Variants in PCDHGA5 observed in about 807,000 individuals in gnomAD.
PCDHGA5 encodes the protein protocadherin gamma-A5.
A neutral mutation model predicts 56.7 loss-of-function variants in PCDHGA5; 36 were observed. The ratio of observed to expected loss-of-function variants is 0.64; its 90% CI spans 0.49 to 0.84. The LOEUF is 0.84. Ranked by LOEUF, PCDHGA5 falls within the 40% of genes least tolerant of loss-of-function variation. The pLI, the probability that PCDHGA5 is intolerant of heterozygous loss-of-function variation, is 0.00. For missense variants in PCDHGA5, 1,305 were observed against 1,201.5 expected (o/e 1.09, Z -1.27); for synonymous variants, 563 against 520.2 (o/e 1.08, Z -1.12).
intron 1 of PCDHGA5, chr5:141,410,157 C>T: frequency 6.2e-7 from 1 of 1,613,546 alleles, no homozygotes; most frequent in Non-Finnish European, 8.5e-7. Context: ...GGTGGACAGC[C>T]GCCACTCTCT....
intron 1 of PCDHGA5, chr5:141,422,556 G>A: frequency 6.2e-7 from 1 of 1,613,908 alleles, no homozygotes; most frequent in Non-Finnish European, 8.5e-7. Flanking sequence ...GGCTGAATGT[G>A]GCAGATGACA....
At chr5:141,436,208 A>G (rs1287696925) in intron 1 of PCDHGA5, among the ~76,000 whole-genome samples, 1 of 152,152 alleles carries the variant, frequency 6.6e-6, no homozygotes, top group Non-Finnish European at 1.5e-5. Context: ...CATAATAGGA[A>G]AACAAATGAC....
intron 1 of PCDHGA5, chr5:141,395,264 A>T: frequency 1.3e-6 from 2 of 1,549,832 alleles, no homozygotes; most frequent in Non-Finnish European, 1.7e-6. Flanking sequence ...GCTTGCTTTT[A>T]ATTTCCAGAT....
intron 1 of PCDHGA5, chr5:141,427,571 G>A: frequency 1.5e-6 from 1 of 662,942 alleles, no homozygotes. Flanking sequence ...GCAAGCCTCC[G>A]CTCTCATCCA....
chr5:141,392,883 T>C, intron 1 of PCDHGA5: 1 of 1,613,518 alleles, frequency 6.2e-7, no homozygotes, highest in Non-Finnish European at 8.5e-7. Flanking sequence ...GGGAACGCTG[T>C]GGGAAATCGG....
chr5:141,365,734 T>C lies in PCDHGA5; in HGVS notation c.1404T>C (p.Gly468=). 7 of 1,613,550 alleles carry C rather than the reference T, an allele frequency of 4.3e-6. No individual in the cohort carries two copies. Among genetic ancestry groups the C allele is most frequent in the Non-Finnish European group, 5.1e-6 (6 of 1,179,852 alleles). ...CTGTCACAGAAAACAATCCCAGAGG[T>C]GTCTCTATCTTCTCTGTGACAGCCC... ...STSVTENNPR[G]VSIFSVTAHD... The change falls in exon 1 of 4, where the codon GGT becomes GGC. Residue 468 remains glycine (G), a synonymous_variant. Coordinates refer to ENST00000518069, the MANE Select transcript of PCDHGA5 (RefSeq NM_018918.3).
rs1185679701 is a variant in PCDHGA5, at chr5:141,511,384, G to A, written c.*211G>A. On this transcript the variant is annotated 3_prime_UTR_variant, in exon 4 of 4. Coordinates refer to ENST00000518069, the MANE Select transcript of PCDHGA5 (RefSeq NM_018918.3). ...TTGAATATGCAAAAGCAGTTCCGCT[G>A]GGAACCCCCATCCAATCAACTGCTG... is the stretch of plus-strand genomic sequence containing the variant. 3.5e-6 allele frequency: 4 copies of A among 1,154,490 alleles called. No homozygotes were observed. Among genetic ancestry groups the A allele is most frequent in the Admixed American group, 2.9e-5 (1 of 34,748 alleles). 71.5% of individuals were successfully genotyped at this position (1,154,490 alleles called of 1,614,324 possible). A position where few individuals can be genotyped will look rare whatever the true frequency, so the allele number is the denominator to read the frequency against.
At chr5:141,506,444 CAAAA>C (rs1219684339) in intron 3 of PCDHGA5, among the ~76,000 whole-genome samples, 5 of 95,022 alleles carry the variant, frequency 5.3e-5, no homozygotes, top group Admixed American at 1.1e-4. Context: ...CGCTCTGTCT[CAAAA>C]AAAAAAAAAA....
chr5:141,365,223 T>C lies in PCDHGA5; in HGVS notation c.893T>C (p.Leu298Pro), dbSNP rs1561533548. ...GAGACTTTCCAACTTGATTCCAACCTGGGGGAAATCTCAACTCTACAATCA... is the reference window on the plus strand; with the variant it reads ...GAGACTTTCCAACTTGATTCCAACCCGGGGGAAATCTCAACTCTACAATCA... ...ISETFQLDSN[L>P]GEISTLQSLD... is the part of the protein sequence containing the mutation. Residue 298 changes from leucine (L) to proline (P), a missense_variant, in exon 1 of 4, where the codon CTG (leucine) becomes CCG (proline). Coordinates refer to ENST00000518069, the MANE Select transcript of PCDHGA5 (RefSeq NM_018918.3). The C allele has an allele frequency of 4.3e-6, 7 of 1,613,924 alleles. No homozygotes were observed. The highest frequency in any genetic ancestry group is 5.9e-6 in the Non-Finnish European group (7 of 1,179,882).
intron 1 of PCDHGA5, chr5:141,424,652 G>T (rs1392693867): frequency 6.6e-6 from 1 of 152,120 alleles, no homozygotes; most frequent in East Asian, 1.9e-4. Context: ...AAGGTATTTG[G>T]ACTTTAATTA....
intron 1 of PCDHGA5, chr5:141,419,006 A>T: frequency 6.2e-7 from 1 of 1,614,006 alleles, no homozygotes. Context: ...TGGGGAAGTC[A>T]GGTGTAGCTT....
Position 141,477,311 on chromosome 5 carries a change from C to G in PCDHGA5, c.2422-17496C>G. 6.2e-7 allele frequency: 1 copy of G among 1,614,186 alleles called. No individual in the cohort carries two copies. The highest frequency in any genetic ancestry group is 8.5e-7 in the Non-Finnish European group (1 of 1,180,032). ...AGTTCCACCGGGTCTCCCTTTCAGC[C>G]TTACTTCTTCCCTCAAGAATTACTT... On this transcript the variant is annotated intron_variant, in intron 1 of 3. Coordinates refer to ENST00000518069, the MANE Select transcript of PCDHGA5 (RefSeq NM_018918.3). The surrounding 1 kb of genome is among the most constrained non-coding windows in gnomAD (Gnocchi z 4.9).
intron 1 of PCDHGA5, among the ~76,000 whole-genome samples, chr5:141,469,538 G>A (rs2099204234): frequency 6.6e-6 from 1 of 152,168 alleles, no homozygotes; most frequent in Non-Finnish European, 1.5e-5. Flanking sequence ...TTGTGCCACT[G>A]CACTCCAGCC....
rs1230384508 is a variant in PCDHGA5 at position 141,490,990 on chromosome 5, C to T, written c.2422-3817C>T. On this transcript the variant is annotated intron_variant, in intron 1 of 3. Coordinates refer to ENST00000518069, the MANE Select transcript of PCDHGA5 (RefSeq NM_018918.3). The surrounding 1 kb of genome is among the most constrained non-coding windows in gnomAD (Gnocchi z 5.4). ...CCCCCAGCGTCTCCCTCGCTCTGCT[C>T]CTCCTGGCTCCTTGGTCACCAAGGT... 6 of 1,614,102 alleles carry T rather than the reference C, an allele frequency of 3.7e-6. No homozygotes were observed. The highest frequency in any genetic ancestry group is 1.3e-5 in the African/African-American group (1 of 75,064).
At chr5:141,480,198 G>A (rs1280951298) in intron 1 of PCDHGA5, among the ~76,000 whole-genome samples, 2 of 150,780 alleles carry the variant, frequency 1.3e-5, no homozygotes, top group African/African-American at 4.9e-5. Flanking sequence ...GAGGCCAGCA[G>A]TTCAAGACCA....
chr5:141,381,177 C>T (rs935775632), intron 1 of PCDHGA5, among the ~76,000 whole-genome samples: 3 of 152,214 alleles, frequency 2.0e-5, no homozygotes, highest in Admixed American at 6.5e-5. Context: ...TCCCACAAAA[C>T]GAAGTTAAGC....
rs1554116833 is a variant in PCDHGA5, at chr5:141,423,756, G to GGT, written c.2421+57006_2421+57007insTG. 2.2e-4 allele frequency: 100 copies of GGT among 448,536 alleles called. 2 individuals carry two copies. The highest frequency in any genetic ancestry group is 2.1e-3 in the African/African-American group (74 of 35,668). The allele number at this position is 448,536 out of a possible 1,614,324, so 27.8% of individuals were successfully genotyped here. On this transcript the variant is annotated intron_variant, in intron 1 of 3. Coordinates refer to ENST00000518069, the MANE Select transcript of PCDHGA5 (RefSeq NM_018918.3). ...GCCTGTTATGAAAACTGTTTGGGGG[G>GGT]GGGGTGGGGCGGCATATATTTAGTT...
In PCDHGA5 at chr5:141,438,591, C is replaced by T. The variant is rs12717894; in HGVS notation, c.2422-56216C>T. 3.5e-3 allele frequency among the ~76,000 whole-genome samples: 262 copies of T among 75,376 alleles called. 1 individual carries two copies. The highest frequency in any genetic ancestry group is 4.5e-3 in the Non-Finnish European group (168 of 37,204). 49.4% of individuals were successfully genotyped at this position (75,376 alleles called of 152,430 possible). ...TCTGATATACATACATACATACATA[C>T]ATATATATATATATATATATATATA... On this transcript the variant is annotated intron_variant, in intron 1 of 3. Transcript: ENST00000518069.
intron 1 of PCDHGA5, chr5:141,402,990 T>A (rs773089843): frequency 1.6e-5 from 26 of 1,611,934 alleles, no homozygotes; most frequent in Non-Finnish European, 2.0e-5. Context: ...CGCGGAAGAT[T>A]AGTCCTGCTA....
Sources: allele counts gnomAD v4.1 joint callset (sites outside exome capture counted in the v4.1 genomes callset), GRCh38; gene constraint gnomAD v4.1.1; non-coding constraint Gnocchi (gnomAD v3.1); transcripts MANE v1.5; gene names NCBI Gene and HGNC (gene_info 2026-07-23, HGNC 2026-07-21).